PARVA: variants seen among roughly 807,000 people sequenced by gnomAD.
The protein encoded by PARVA is parvin alpha.
Under a neutral mutation model 52.6 loss-of-function variants are expected in PARVA, and 25 were observed. The ratio of observed to expected loss-of-function variants is 0.48; its 90% CI spans 0.35 to 0.66. PARVA has a LOEUF of 0.66. Ranked by LOEUF, PARVA falls within the 30% of genes least tolerant of loss-of-function variation. PARVA has a pLI of 0.01. For missense variants in PARVA, 373 were observed against 450.9 expected, an observed-to-expected ratio of 0.83 and a Z score of 1.56; for synonymous variants, 185 against 179.1, an observed-to-expected ratio of 1.03 and a Z score of -0.26.
chr11:12,388,563 C>T (rs1939612001), intron 1 of PARVA, among the ~76,000 whole-genome samples: 1 of 152,106 alleles, frequency 6.6e-6, no homozygotes, highest in Non-Finnish European at 1.5e-5. Context: ...TTTCCTTCCC[C>T]ATTATAAAAT....
At chr11:12,445,239 C>T (rs2135008353) in intron 1 of PARVA, among the ~76,000 whole-genome samples, 1 of 152,264 alleles carries the variant, frequency 6.6e-6, no homozygotes, top group South Asian at 2.1e-4. Context: ...GCTAAGTATA[C>T]TCTATCCTGG....
At chr11:12,478,141 G>A (rs1941040855) in intron 4 of PARVA, 192 bp downstream of exon 4, 1 of 675,890 alleles carries the variant, frequency 1.5e-6, no homozygotes, top group South Asian at 1.5e-5. Context: ...TGAATGAATT[G>A]TAGAGGGAGT....
chr11:12,498,833 A>C (rs1941331529), intron 5 of PARVA, among the ~76,000 whole-genome samples: 1 of 152,178 alleles, frequency 6.6e-6, no homozygotes, highest in Admixed American at 6.5e-5. Context: ...TGGCCTCCCA[A>C]AGTGCCAGGA....
rs180721792 is a variant in PARVA, at chr11:12,399,410, T to C, written c.136+21627T>C. ...ACTATGCAGCTTGTGTAACCTGTAA[T>C]TCTCCACTGGAGTTGGACAGCAGTC... On this transcript the variant is annotated intron_variant, in intron 1 of 12. Coordinates refer to ENST00000334956, the MANE Select transcript of PARVA (RefSeq NM_018222.5). 1.7e-3 allele frequency among the ~76,000 whole-genome samples: 256 copies of C among 152,344 alleles called. 1 individual carries two copies. Among genetic ancestry groups the C allele is most frequent in the African/African-American group, 5.9e-3 (247 of 41,586 alleles).
intron 1 of PARVA, among the ~76,000 whole-genome samples, chr11:12,418,213 A>G (rs775520553): frequency 2.0e-5 from 3 of 152,194 alleles, no homozygotes; most frequent in African/African-American, 4.8e-5. Flanking sequence ...ATTGGAGCCC[A>G]GGCCGCCTAC....
chr11:12,508,910 A>C (rs962087926), intron 7 of PARVA, among the ~76,000 whole-genome samples: 1 of 152,052 alleles, frequency 6.6e-6, no homozygotes, highest in Non-Finnish European at 1.5e-5. Flanking sequence ...AAGTGTGCCC[A>C]AAAAAAGCCA....
intron 4 of PARVA, among the ~76,000 whole-genome samples, chr11:12,490,770 A>G (rs1298604211): frequency 6.6e-6 from 1 of 152,232 alleles, no homozygotes; most frequent in East Asian, 1.9e-4. Flanking sequence ...AGATAGAATC[A>G]GAATCCCATA....
intron 1 of PARVA, among the ~76,000 whole-genome samples, chr11:12,446,774 G>A (rs892270856): frequency 3.9e-5 from 6 of 152,162 alleles, no homozygotes; most frequent in African/African-American, 1.4e-4. Flanking sequence ...GCAGTTCATT[G>A]CTTTCCTGTG....
chr11:12,483,067 C>T (rs185229013), intron 4 of PARVA, among the ~76,000 whole-genome samples: 2 of 152,356 alleles, frequency 1.3e-5, no homozygotes, highest in African/African-American at 2.4e-5. Context: ...ATGCCTGGCT[C>T]ACCTCTGTGT....
chr11:12,396,906 C>A (rs1025806175), intron 1 of PARVA, among the ~76,000 whole-genome samples: 1 of 148,610 alleles, frequency 6.7e-6, no homozygotes, highest in Admixed American at 6.7e-5. Context: ...TTCTTCCTTT[C>A]TCCTTTCCTT....
At chr11:12,468,799 A>G (rs571951421) in intron 1 of PARVA, among the ~76,000 whole-genome samples, 3 of 152,232 alleles carry the variant, frequency 2.0e-5, no homozygotes, top group Non-Finnish European at 4.4e-5. Flanking sequence ...AAATCCAGGT[A>G]TAATATCCTG....
intron 4 of PARVA, among the ~76,000 whole-genome samples, chr11:12,488,428 A>C (rs973791027): frequency 1.4e-4 from 21 of 152,180 alleles, no homozygotes; most frequent in African/African-American, 5.1e-4. Flanking sequence ...AGGAAGTATA[A>C]ATCTAGTGGG....
At chr11:12,424,836 C>T (rs944083093) in intron 1 of PARVA, among the ~76,000 whole-genome samples, 17 of 152,178 alleles carry the variant, frequency 1.1e-4, no homozygotes, top group African/African-American at 4.1e-4. Flanking sequence ...CAGTAAAACC[C>T]TTTTTTTCTA....
chr11:12,443,499 C>G (rs12793622), intron 1 of PARVA, among the ~76,000 whole-genome samples: 1 of 151,978 alleles, frequency 6.6e-6, no homozygotes, highest in Non-Finnish European at 1.5e-5. Flanking sequence ...ATCTGTCACA[C>G]ACCACTTCTT....
intron 1 of PARVA, among the ~76,000 whole-genome samples, chr11:12,388,326 C>T (rs1939608392): frequency 6.6e-6 from 1 of 152,252 alleles, no homozygotes; most frequent in Non-Finnish European, 1.5e-5. Context: ...AGTGATAATT[C>T]TGTTTGCTTG....
intron 3 of PARVA, among the ~76,000 whole-genome samples, chr11:12,474,848 C>A (rs981438599): frequency 2.0e-5 from 3 of 151,846 alleles, no homozygotes; most frequent in African/African-American, 7.3e-5. Flanking sequence ...TGACTGTAAT[C>A]CCAGCTACTC....
intron 1 of PARVA, 79 bp downstream of exon 1, chr11:12,377,862 CG>C: frequency 9.6e-7 from 1 of 1,040,000 alleles, no homozygotes; most frequent in Non-Finnish European, 1.2e-6. Context: ...GCACTGGGAC[CG>C]GGCGGGAGCG....
At chr11:12,401,727 T>C (rs925542156) in intron 1 of PARVA, among the ~76,000 whole-genome samples, 3 of 152,200 alleles carry the variant, frequency 2.0e-5, no homozygotes, top group East Asian at 3.8e-4. Context: ...TAGGGAACAA[T>C]AGGATTGGGA....
chr11:12,488,447 T>C (rs1941189725), intron 4 of PARVA, among the ~76,000 whole-genome samples: 1 of 152,222 alleles, frequency 6.6e-6, no homozygotes, highest in Non-Finnish European at 1.5e-5. Context: ...GGATAAGTGC[T>C]AATTCCTAAT....
Sources: allele counts gnomAD v4.1 joint callset (sites outside exome capture counted in the v4.1 genomes callset), GRCh38; gene constraint gnomAD v4.1.1; transcripts MANE v1.5; gene names NCBI Gene and HGNC (gene_info 2026-07-23, HGNC 2026-07-21).